Variants in BLTP3B observed in about 807,000 individuals in gnomAD.
BLTP3B encodes the protein UHRF1 (ICBP90) binding protein 1-like.
At chr12:100,061,927 C>A in the BLTP3B span, among the ~76,000 whole-genome samples, 1 of 152,168 alleles carries the variant, frequency 6.6e-6, no homozygotes, top group African/African-American at 2.4e-5. Context: ...CCCCCTGTAG[C>A]TCAGAATGTA....
chr12:100,080,229 C>G, the BLTP3B span, among the ~76,000 whole-genome samples: 2 of 152,188 alleles, frequency 1.3e-5, no homozygotes, highest in African/African-American at 2.4e-5. Context: ...ACACCTTGCA[C>G]CATGTGCCTG....
the BLTP3B span, among the ~76,000 whole-genome samples, chr12:100,099,896 C>G: frequency 6.6e-6 from 1 of 150,494 alleles, no homozygotes; most frequent in Non-Finnish European, 1.5e-5. Context: ...CCACTGCAGT[C>G]CAGCCTGGGT....
chr12:100,091,112 C>T, the BLTP3B span, among the ~76,000 whole-genome samples: 1 of 147,744 alleles, frequency 6.8e-6, no homozygotes, highest in Non-Finnish European at 1.5e-5. Flanking sequence ...CTGCAACGTC[C>T]GCCTGCTGGG....
At chr12:100,071,497 C>CAAAA in the BLTP3B span, among the ~76,000 whole-genome samples, 3 of 78,716 alleles carry the variant, frequency 3.8e-5, no homozygotes, top group African/African-American at 9.7e-5. Context: ...ACTATGTCTC[C>CAAAA]AAAAAAAAAA....
chr12:100,078,310 A>G, the BLTP3B span, among the ~76,000 whole-genome samples: 4 of 152,158 alleles, frequency 2.6e-5, no homozygotes, highest in Admixed American at 2.6e-4. Context: ...CACCACGTGT[A>G]AAAGTTCCCT....
At chr12:100,109,307 C>T in the BLTP3B span, among the ~76,000 whole-genome samples, 3 of 151,766 alleles carry the variant, frequency 2.0e-5, no homozygotes, top group South Asian at 2.1e-4. Flanking sequence ...GAAGTGTAAG[C>T]CAATTAAACT....
chr12:100,107,316 A>G, the BLTP3B span, among the ~76,000 whole-genome samples: 1 of 132,192 alleles, frequency 7.6e-6, no homozygotes. Flanking sequence ...AAAAAAAGAT[A>G]AGTAGAATAA....
At chr12:100,053,561 G>A in the BLTP3B span, among the ~76,000 whole-genome samples, 32 of 152,128 alleles carry the variant, frequency 2.1e-4, no homozygotes, top group Admixed American at 1.1e-3. Flanking sequence ...TCACAAATAT[G>A]TATACATGCA....
At chr12:100,099,323 T>G in the BLTP3B span, among the ~76,000 whole-genome samples, 3 of 151,248 alleles carry the variant, frequency 2.0e-5, no homozygotes, top group African/African-American at 7.3e-5. Context: ...AAAATAAATG[T>G]TTTTTATTAA....
the BLTP3B span, among the ~76,000 whole-genome samples, chr12:100,083,721 T>G: frequency 6.6e-6 from 1 of 151,904 alleles, no homozygotes; most frequent in Admixed American, 6.6e-5. Context: ...TATCACACTG[T>G]ACCTCATAAA....
chr12:100,048,735 G>GGAGAGA, the BLTP3B span, among the ~76,000 whole-genome samples: 401 of 119,452 alleles, frequency 3.4e-3, 8 homozygotes, highest in African/African-American at 9.2e-3. Flanking sequence ...GTAAGGGGGG[G>GGAGAGA]GAGAGAGAGA....
At chr12:100,083,712 A>C in the BLTP3B span, among the ~76,000 whole-genome samples, 1 of 151,788 alleles carries the variant, frequency 6.6e-6, no homozygotes, top group Non-Finnish European at 1.5e-5. Context: ...AAGTAGTAGT[A>C]TCACACTGTA....
chr12:100,123,668 C>A, the BLTP3B span, among the ~76,000 whole-genome samples: 5 of 152,030 alleles, frequency 3.3e-5, no homozygotes, highest in African/African-American at 1.2e-4. Context: ...GTTTGATTAA[C>A]GTCAAGGCAT....
chr12:100,060,405 A>C, the BLTP3B span, among the ~76,000 whole-genome samples: 1 of 152,212 alleles, frequency 6.6e-6, no homozygotes, highest in African/African-American at 2.4e-5. Flanking sequence ...AAACCTCTAA[A>C]AACATTACCT....
At chr12:100,058,696 C>T in the BLTP3B span, 2 of 1,613,972 alleles carry the variant, frequency 1.2e-6, no homozygotes, top group Non-Finnish European at 1.7e-6. Context: ...AGTAAAATTC[C>T]AATACAAATG....
At chr12:100,141,233 C>G in the BLTP3B span, among the ~76,000 whole-genome samples, 1 of 151,742 alleles carries the variant, frequency 6.6e-6, no homozygotes, top group East Asian at 1.9e-4. Context: ...CCTGTAATCC[C>G]AGCACTCTGG....
At chr12:100,058,473 C>G in the BLTP3B span, 1 of 1,613,292 alleles carries the variant, frequency 6.2e-7, no homozygotes, top group Non-Finnish European at 8.5e-7. Flanking sequence ...AAGGTCAACA[C>G]TCATAGATCT....
chr12:100,076,388 C>CTTTT, the BLTP3B span, among the ~76,000 whole-genome samples: 23 of 110,204 alleles, frequency 2.1e-4, 1 homozygote, highest in Non-Finnish European at 2.3e-4. Context: ...CCTCAGCAAT[C>CTTTT]TTTTTTTTTT....
At chr12:100,104,482 G>C in the BLTP3B span, among the ~76,000 whole-genome samples, 72 of 150,894 alleles carry the variant, frequency 4.8e-4, no homozygotes, top group African/African-American at 1.6e-3. Flanking sequence ...GGGATTACAG[G>C]CACGCACCAC....
Sources: allele counts gnomAD v4.1 joint callset (sites outside exome capture counted in the v4.1 genomes callset), GRCh38; gene constraint gnomAD v4.1.1; transcripts MANE v1.5; gene names NCBI Gene and HGNC (gene_info 2026-07-23, HGNC 2026-07-21).